RPH3A: variants seen among roughly 807,000 people sequenced by gnomAD.
RPH3A encodes the protein rabphilin 3A.
RPH3A carries 48 observed loss-of-function variants against 102.2 expected under a neutral mutation model. The ratio of observed to expected loss-of-function variants is 0.47; its 90% CI spans 0.37 to 0.60. The LOEUF (loss-of-function observed/expected upper bound fraction) is 0.60. Ranked by LOEUF, RPH3A falls within the 20% of genes least tolerant of loss-of-function variation. The pLI is 0.00. For missense variants in RPH3A, 781 were observed against 910.1 expected (o/e 0.86, Z 1.83); for synonymous variants, 310 against 324.3 (o/e 0.96, Z 0.47).
intron 1 of RPH3A, among the ~76,000 whole-genome samples, chr12:112,782,178 C>A (rs1424370632): frequency 1.3e-5 from 2 of 152,358 alleles, no homozygotes; most frequent in East Asian, 3.9e-4. Context: ...TGCTTAAGAG[C>A]ATGGGCTCTG....
Position 112,690,224 on chromosome 12 carries a change from A to T in RPH3A, c.-139-101919A>T, listed in dbSNP as rs565810588. 4.6e-5 allele frequency among the ~76,000 whole-genome samples: 7 copies of T among 152,362 alleles called. No homozygotes were observed. In the South Asian group the frequency reaches 6.2e-4, roughly 14 times the overall value. On this transcript the variant is annotated intron_variant, in intron 1 of 21. Coordinates refer to the RPH3A transcript ENST00000543106. ...TCTTACTTCCAAGAAGAAATCATTT[A>T]AAAAATTGGTTTGAAATATATCCTT...
intron 1 of RPH3A, among the ~76,000 whole-genome samples, chr12:112,740,248 A>G (rs1223425396): frequency 6.6e-6 from 1 of 152,178 alleles, no homozygotes; most frequent in African/African-American, 2.4e-5. Context: ...CCCTTGGCTC[A>G]GTTTCTGGCA....
At chr12:112,883,258 G>C (rs1197759899) in intron 15 of RPH3A, 35 bp from the exon 16 acceptor site, 1 of 1,554,334 alleles carries the variant, frequency 6.4e-7, no homozygotes, top group East Asian at 2.3e-5. Context: ...TCCCCACTGA[G>C]GTAGGTGTCT....
At chr12:112,885,869 A>AT in intron 16 of RPH3A, among the ~76,000 whole-genome samples, 1 of 152,310 alleles carries the variant, frequency 6.6e-6, no homozygotes, top group South Asian at 2.1e-4. Context: ...CCTTCTAACT[A>AT]TTTTTTGGAC....
At chr12:112,843,837 C>T (rs900834287) in intron 4 of RPH3A, among the ~76,000 whole-genome samples, 6 of 152,130 alleles carry the variant, frequency 3.9e-5, no homozygotes, top group Non-Finnish European at 8.8e-5. Context: ...TCCATGAAAA[C>T]TGGTGAGACT....
chr12:112,808,674 A>G (rs1316734833), intron 2 of RPH3A, among the ~76,000 whole-genome samples: 1 of 152,182 alleles, frequency 6.6e-6, no homozygotes, highest in African/African-American at 2.4e-5. Flanking sequence ...AGCATTGCAT[A>G]AAGTGGCGGT....
At chr12:112,694,391 C>T (rs1417326124) in intron 1 of RPH3A, among the ~76,000 whole-genome samples, 1 of 151,970 alleles carries the variant, frequency 6.6e-6, no homozygotes, top group East Asian at 1.9e-4. Context: ...GGCAAGTGCC[C>T]CACACCTGTA....
At chr12:112,677,446 C>T (rs1015902868) in intron 1 of RPH3A, among the ~76,000 whole-genome samples, 2 of 128,352 alleles carry the variant, frequency 1.6e-5, no homozygotes, top group Non-Finnish European at 3.3e-5. Flanking sequence ...TCCTTCCTTC[C>T]TTCCTTCCTT....
chr12:112,813,862 G>C (rs1593032651), intron 2 of RPH3A, among the ~76,000 whole-genome samples: 2 of 152,190 alleles, frequency 1.3e-5, no homozygotes, highest in African/African-American at 4.8e-5. Context: ...TCTAAAGCCT[G>C]GGCTGTTGCT....
chr12:112,759,635 G>A (rs1243657379), intron 1 of RPH3A, among the ~76,000 whole-genome samples: 1 of 152,170 alleles, frequency 6.6e-6, no homozygotes, highest in Non-Finnish European at 1.5e-5. Context: ...AAAACTGCAG[G>A]AGTATGGTCC....
chr12:112,893,201 G>C (rs997695900), intron 19 of RPH3A: 2 of 151,922 alleles, frequency 1.3e-5, no homozygotes, highest in Non-Finnish European at 2.9e-5. Context: ...AAAAATGGGA[G>C]ACCACTAAGC....
intron 1 of RPH3A, among the ~76,000 whole-genome samples, chr12:112,635,571 G>A (rs762666039): frequency 7.9e-5 from 12 of 152,058 alleles, no homozygotes; most frequent in Non-Finnish European, 1.8e-4. Flanking sequence ...AAATGCCAAA[G>A]AGGCTTATGA....
At chr12:112,798,523 T>C (rs778380493) in intron 2 of RPH3A, among the ~76,000 whole-genome samples, 1 of 152,232 alleles carries the variant, frequency 6.6e-6, no homozygotes. Flanking sequence ...CAGCCATTGA[T>C]GGCGGGGCGG....
Position 112,746,925 on chromosome 12 carries a change from C to T in RPH3A, c.-139-45218C>T, listed in dbSNP as rs147681089. Among the ~76,000 whole-genome samples the T allele has an allele frequency of 4.7e-3, 712 of 152,284 alleles. 4 individuals are homozygous for T. The highest frequency in any genetic ancestry group is 0.015 in the African/African-American group (642 of 41,560). Reference sequence around the variant, plus strand: ...CTTTGAAGTGTCCCTGGGATGCCACCTTCTTCCACCCTCCCAGCCATTGCA... The same window carrying T: ...CTTTGAAGTGTCCCTGGGATGCCACTTTCTTCCACCCTCCCAGCCATTGCA... On this transcript the variant is annotated intron_variant, in intron 1 of 21. Transcript: ENST00000543106.
chr12:112,771,788 A>C (rs1319988350), intron 1 of RPH3A, among the ~76,000 whole-genome samples: 1 of 152,208 alleles, frequency 6.6e-6, no homozygotes, highest in Non-Finnish European at 1.5e-5. Context: ...TAGACATGAA[A>C]TCTATTTAGT....
chr12:112,600,288 T>C (rs1371464500), intron 1 of RPH3A, among the ~76,000 whole-genome samples: 1 of 152,204 alleles, frequency 6.6e-6, no homozygotes, highest in Non-Finnish European at 1.5e-5. Flanking sequence ...CAGGTTGTGC[T>C]GAATAATTAA....
At chr12:112,793,306 T>A (rs1040082991) in intron 2 of RPH3A, among the ~76,000 whole-genome samples, 1 of 152,262 alleles carries the variant, frequency 6.6e-6, no homozygotes, top group African/African-American at 2.4e-5. Flanking sequence ...TGGAAATGAA[T>A]GCCCTTGTTT....
At chr12:112,809,069 G>C (rs1006316360) in intron 2 of RPH3A, among the ~76,000 whole-genome samples, 1 of 152,152 alleles carries the variant, frequency 6.6e-6, no homozygotes, top group Non-Finnish European at 1.5e-5. Context: ...GGATGTGACT[G>C]TTCACCACCT....
chr12:112,713,119 A>G (rs990341744), intron 1 of RPH3A, among the ~76,000 whole-genome samples: 1 of 130,244 alleles, frequency 7.7e-6, no homozygotes, highest in Non-Finnish European at 1.6e-5. Flanking sequence ...TTTTGTAGAG[A>G]AAGGGTCTCA....
Sources: allele counts gnomAD v4.1 joint callset (sites outside exome capture counted in the v4.1 genomes callset), GRCh38; gene constraint gnomAD v4.1.1; transcripts MANE v1.5; gene names NCBI Gene and HGNC (gene_info 2026-07-23, HGNC 2026-07-21).